FAM78B: variants seen among roughly 807,000 people sequenced by gnomAD.
FAM78B encodes family with sequence similarity 78 member B.
In FAM78B, 10 loss-of-function variants were observed where a neutral mutation model predicts 20.0. The observed-to-expected ratio is 0.50, with a 90% CI of 0.31 to 0.85. FAM78B has a LOEUF of 0.85. Ranked by LOEUF, FAM78B falls within the 40% of genes least tolerant of loss-of-function variation. The probability of loss-of-function intolerance (pLI) is 0.05; values close to 1 mark genes in which losing one functional copy is unlikely to be tolerated. For synonymous variants in FAM78B, 135 were observed against 132.8 expected (o/e 1.02, Z -0.12); for missense variants, 283 against 345.0 (o/e 0.82, Z 1.42).
At chr1:166,160,936 C>T (rs781365794) in intron 1 of FAM78B, among the ~76,000 whole-genome samples, 2 of 152,200 alleles carry the variant, frequency 1.3e-5, no homozygotes, top group Non-Finnish European at 2.9e-5. Context: ...ATCCCAATTT[C>T]AACTGTGAGA....
At chr1:166,067,452 G>C (rs1377135082), downstream of FAM78B, among the ~76,000 whole-genome samples, 1 of 151,996 alleles carries the variant, frequency 6.6e-6, no homozygotes, top group East Asian at 1.9e-4. Context: ...ACTTAATCAA[G>C]GCACTAAATG....
intron 1 of FAM78B, among the ~76,000 whole-genome samples, chr1:166,115,430 T>C (rs555765594): frequency 6.6e-6 from 1 of 152,274 alleles, no homozygotes; most frequent in South Asian, 2.1e-4. Context: ...AGAGAGTGCT[T>C]TGTGCATCTG....
chr1:166,115,852 A>T (rs1399166251), intron 1 of FAM78B, among the ~76,000 whole-genome samples: 1 of 152,216 alleles, frequency 6.6e-6, no homozygotes, highest in Non-Finnish European at 1.5e-5. Flanking sequence ...GATCTTTCTG[A>T]ACTTCAACTT....
chr1:166,074,739 C>T (rs967761005), intron 1 of FAM78B, among the ~76,000 whole-genome samples: 1 of 152,016 alleles, frequency 6.6e-6, no homozygotes, highest in African/African-American at 2.4e-5. Context: ...AGTTGCTTAT[C>T]CTTAAAAGGA....
At chr1:166,080,676 G>C (rs901311006) in intron 1 of FAM78B, among the ~76,000 whole-genome samples, 1 of 152,240 alleles carries the variant, frequency 6.6e-6, no homozygotes, top group African/African-American at 2.4e-5. Flanking sequence ...TAGTTAAAGA[G>C]AACACCACAC....
chr1:166,096,839 G>T (rs1000386981), intron 1 of FAM78B, among the ~76,000 whole-genome samples: 1 of 152,182 alleles, frequency 6.6e-6, no homozygotes, highest in Admixed American at 6.5e-5. Context: ...AAAAAGAATG[G>T]GGCGAGGGGA....
intron 1 of FAM78B, among the ~76,000 whole-genome samples, chr1:166,157,433 G>A (rs1254708013): frequency 6.6e-6 from 1 of 151,536 alleles, no homozygotes; most frequent in East Asian, 1.9e-4. Context: ...CATGCAGCTG[G>A]CACTGGGACC....
intron 1 of FAM78B, among the ~76,000 whole-genome samples, chr1:166,147,614 A>T (rs146285555): frequency 6.6e-6 from 1 of 152,024 alleles, no homozygotes; most frequent in African/African-American, 2.4e-5. Context: ...TTGAACTCAC[A>T]TACTAAGGTT....
chr1:166,128,740 G>GCCAC (rs1654734625), intron 1 of FAM78B, among the ~76,000 whole-genome samples: 1 of 152,164 alleles, frequency 6.6e-6, no homozygotes, highest in African/African-American at 2.4e-5. Context: ...GACAGTGGGT[G>GCCAC]AGGCAGTATG....
At chr1:166,162,272 C>G (rs1474901422) in intron 1 of FAM78B, among the ~76,000 whole-genome samples, 1 of 152,184 alleles carries the variant, frequency 6.6e-6, no homozygotes, top group Non-Finnish European at 1.5e-5. Flanking sequence ...CCTCAATAAT[C>G]TTGATTCTGA....
intron 1 of FAM78B, among the ~76,000 whole-genome samples, chr1:166,142,872 C>G (rs1655329725): frequency 6.6e-6 from 1 of 152,196 alleles, no homozygotes; most frequent in Non-Finnish European, 1.5e-5. Flanking sequence ...TGCCCTGTGT[C>G]AGGGCACAGG....
chr1:166,122,488 T>G (rs2101769833), intron 1 of FAM78B, among the ~76,000 whole-genome samples: 1 of 152,362 alleles, frequency 6.6e-6, no homozygotes, highest in East Asian at 1.9e-4. Flanking sequence ...TAAAGCTTAT[T>G]ATCCAACATT....
intron 1 of FAM78B, among the ~76,000 whole-genome samples, chr1:166,148,659 T>C (rs1380440871): frequency 6.6e-6 from 1 of 152,230 alleles, no homozygotes; most frequent in Non-Finnish European, 1.5e-5. Context: ...CTCAGACTTC[T>C]AATGGGAACT....
chr1:166,145,613 C>T (rs1003584777), intron 1 of FAM78B, among the ~76,000 whole-genome samples: 1 of 152,226 alleles, frequency 6.6e-6, no homozygotes, highest in Non-Finnish European at 1.5e-5. Context: ...AGACAGGCCA[C>T]AATGCATTAT....
intron 1 of FAM78B, among the ~76,000 whole-genome samples, chr1:166,090,018 G>A (rs1302940408): frequency 6.6e-6 from 1 of 152,166 alleles, no homozygotes; most frequent in Non-Finnish European, 1.5e-5. Flanking sequence ...CAGAGGCAGG[G>A]GAGGATCGAA....
chr1:166,164,260 T>C (rs1371931787), intron 1 of FAM78B, among the ~76,000 whole-genome samples: 1 of 152,250 alleles, frequency 6.6e-6, no homozygotes, highest in African/African-American at 2.4e-5. Context: ...TGGGGAGCAC[T>C]TGCTGTCCTC....
downstream of FAM78B, among the ~76,000 whole-genome samples, chr1:166,067,630 C>T (rs1009045937): frequency 6.6e-6 from 1 of 152,172 alleles, no homozygotes; most frequent in African/African-American, 2.4e-5. Context: ...GATAATGATC[C>T]ACAAATCACA....
chr1:166,123,603 A>G (rs1301249267), intron 1 of FAM78B, among the ~76,000 whole-genome samples: 1 of 152,222 alleles, frequency 6.6e-6, no homozygotes, highest in Non-Finnish European at 1.5e-5. Context: ...TCATTTGCAA[A>G]TATCAGAAAC....
At chr1:166,061,017 G>A (rs890110775) in intron 2 of FAM78B, among the ~76,000 whole-genome samples, 2 of 152,138 alleles carry the variant, frequency 1.3e-5, no homozygotes, top group African/African-American at 2.4e-5. Context: ...AAGCACAAAG[G>A]GACTTGCAAG....
Sources: allele counts gnomAD v4.1 joint callset (sites outside exome capture counted in the v4.1 genomes callset), GRCh38; gene constraint gnomAD v4.1.1; transcripts MANE v1.5; gene names NCBI Gene and HGNC (gene_info 2026-07-23, HGNC 2026-07-21).